DDAH1: variants seen among roughly 807,000 people sequenced by gnomAD.
DDAH1 encodes the protein N(G),N(G)-dimethylarginine dimethylaminohydrolase 1.
Under a neutral mutation model 28.8 loss-of-function variants are expected in DDAH1, and 19 were observed. The observed-to-expected ratio is 0.66, with a 90% confidence interval of 0.46 to 0.97. The LOEUF is 0.97. Among genes scored for constraint, DDAH1 ranks in the 50% least tolerant of loss-of-function variants. The pLI, the probability that DDAH1 is intolerant of heterozygous loss-of-function variation, is 0.00. For missense variants in DDAH1, 326 were observed against 375.9 expected, an observed-to-expected ratio of 0.87 and a Z score of 1.10; for synonymous variants, 153 against 154.4, an observed-to-expected ratio of 0.99 and a Z score of 0.07.
At chr1:85,516,807 C>G (rs1657492413) in intron 1 of DDAH1, among the ~76,000 whole-genome samples, 1 of 151,818 alleles carries the variant, frequency 6.6e-6, no homozygotes, top group South Asian at 2.1e-4. Context: ...GGCTCCATCT[C>G]CTGACTCTTA....
intron 1 of DDAH1, among the ~76,000 whole-genome samples, chr1:85,553,986 G>A (rs1364507645): frequency 6.6e-6 from 1 of 152,176 alleles, no homozygotes; most frequent in Non-Finnish European, 1.5e-5. Flanking sequence ...TGGACATCTT[G>A]GCTTGAAGAT....
intron 4 of DDAH1, among the ~76,000 whole-genome samples, chr1:85,330,180 G>A (rs1055171708): frequency 3.3e-5 from 5 of 152,172 alleles, no homozygotes; most frequent in African/African-American, 1.2e-4. Flanking sequence ...TGTTGCTCTT[G>A]AACATCTTTC....
At chr1:85,461,435 C>T (rs550745297) in intron 1 of DDAH1, among the ~76,000 whole-genome samples, 2 of 152,030 alleles carry the variant, frequency 1.3e-5, no homozygotes, top group Admixed American at 6.6e-5. Flanking sequence ...AAATGAAACA[C>T]GATGTTTTGA....
At chr1:85,403,106 T>C (rs1409382026) in intron 1 of DDAH1, among the ~76,000 whole-genome samples, 14 of 151,922 alleles carry the variant, frequency 9.2e-5, no homozygotes, top group Admixed American at 9.2e-4. Context: ...ATGTTTGATC[T>C]GGTGAGTAAC....
upstream of DDAH1, among the ~76,000 whole-genome samples, chr1:85,466,327 T>C (rs1450988278): frequency 6.6e-6 from 1 of 152,220 alleles, no homozygotes; most frequent in South Asian, 2.1e-4. Context: ...CTCGGCTTAC[T>C]TCAACTGCTG....
chr1:85,435,967 T>C (rs1212849924), intron 1 of DDAH1, among the ~76,000 whole-genome samples: 3 of 151,508 alleles, frequency 2.0e-5, no homozygotes, highest in African/African-American at 7.3e-5. Context: ...ATTTTGTGTG[T>C]GTGTGTGTGT....
chr1:85,438,772 T>C (rs1654056900), intron 1 of DDAH1, among the ~76,000 whole-genome samples: 1 of 152,236 alleles, frequency 6.6e-6, no homozygotes, highest in South Asian at 2.1e-4. Context: ...TGGAGGAAGA[T>C]CTATTTTTAA....
intron 1 of DDAH1, chr1:85,576,623 C>A (rs963117620): frequency 2.0e-4 from 30 of 152,494 alleles, no homozygotes; most frequent in Admixed American, 2.0e-3. Context: ...CACACACATA[C>A]ACACACAGCC....
At chr1:85,438,349 T>C (rs564124372) in intron 1 of DDAH1, among the ~76,000 whole-genome samples, 1 of 152,344 alleles carries the variant, frequency 6.6e-6, no homozygotes, top group South Asian at 2.1e-4. Flanking sequence ...AAAAAAATTT[T>C]AGGGCTCCTT....
At chr1:85,340,502 G>A (rs1648407851) in intron 4 of DDAH1, among the ~76,000 whole-genome samples, 1 of 152,070 alleles carries the variant, frequency 6.6e-6, no homozygotes. Context: ...TGTTGATCTG[G>A]TCCCTTTTTC....
chr1:85,577,506 C>T (rs1557777970), intron 1 of DDAH1, among the ~76,000 whole-genome samples: 2 of 152,296 alleles, frequency 1.3e-5, no homozygotes, highest in East Asian at 3.9e-4. Context: ...ACTACAGGCA[C>T]TCCGGTCGTC....
chr1:85,446,398 A>G (rs533481076), intron 1 of DDAH1, among the ~76,000 whole-genome samples: 2 of 152,268 alleles, frequency 1.3e-5, no homozygotes, highest in Middle Eastern at 3.4e-3. Context: ...CCGTGATTCA[A>G]TTACCTCTAC....
intron 1 of DDAH1, among the ~76,000 whole-genome samples, chr1:85,388,898 C>T (rs1489649716): frequency 1.3e-5 from 2 of 152,166 alleles, no homozygotes; most frequent in African/African-American, 4.8e-5. Context: ...AAATAGACGA[C>T]CCCTAAGAGG....
At chr1:85,515,016 T>TACAC (rs3058833) in intron 1 of DDAH1, among the ~76,000 whole-genome samples, 20,250 of 48,250 alleles carry the variant, frequency 0.42, 1,414 homozygotes, top group Non-Finnish European at 0.47. Flanking sequence ...AGAGCTAGAA[T>TACAC]ACACACACAC....
chr1:85,465,285 C>T, upstream of DDAH1: 3 of 993,800 alleles, frequency 3.0e-6, no homozygotes, highest in Non-Finnish European at 2.5e-6. Flanking sequence ...TCGCGCCAGC[C>T]CAGGCGGGAG....
At chr1:85,491,109 T>C (rs1570604093) in intron 2 of DDAH1, among the ~76,000 whole-genome samples, 1 of 149,038 alleles carries the variant, frequency 6.7e-6, no homozygotes, top group Non-Finnish European at 1.5e-5. Flanking sequence ...TGCAGTGGTG[T>C]GATCTCCACT....
intron 1 of DDAH1, among the ~76,000 whole-genome samples, chr1:85,526,231 G>A (rs1402939148): frequency 6.6e-5 from 10 of 152,168 alleles, no homozygotes; most frequent in Non-Finnish European, 1.5e-4. Context: ...AAAGAGAGAC[G>A]AGGAGAGAAA....
chr1:85,336,602 A>G (rs1450355052), intron 4 of DDAH1, among the ~76,000 whole-genome samples: 2 of 152,134 alleles, frequency 1.3e-5, no homozygotes, highest in African/African-American at 4.8e-5. Flanking sequence ...TTTCAAAAAA[A>G]CAACCTAATG....
chr1:85,480,004 C>G (rs1167389465), intron 2 of DDAH1, among the ~76,000 whole-genome samples: 2 of 152,220 alleles, frequency 1.3e-5, no homozygotes, highest in Non-Finnish European at 2.9e-5. Context: ...CATGTCTGCT[C>G]TCATAGGAAC....
Sources: allele counts gnomAD v4.1 joint callset (sites outside exome capture counted in the v4.1 genomes callset), GRCh38; gene constraint gnomAD v4.1.1; transcripts MANE v1.5; gene names NCBI Gene and HGNC (gene_info 2026-07-23, HGNC 2026-07-21).